The following ZSWIM6 variants were observed in gnomAD, a reference collection of about 807,000 sequenced individuals.
The protein encoded by ZSWIM6 is zinc finger SWIM domain-containing protein 6.
ZSWIM6 carries 9 observed loss-of-function variants against 113.2 expected under a neutral mutation model. The ratio of observed to expected loss-of-function variants is 0.08; its 90% CI spans 0.05 to 0.14. The LOEUF (loss-of-function observed/expected upper bound fraction) is 0.14. ZSWIM6 is among the 10% of genes least tolerant of loss of function. The pLI, the probability that ZSWIM6 is intolerant of heterozygous loss-of-function variation, is 1.00. For missense variants in ZSWIM6, 1,162 were observed against 1,552.2 expected, an observed-to-expected ratio of 0.75 and a Z score of 4.22; for synonymous variants, 611 against 606.5, an observed-to-expected ratio of 1.01 and a Z score of -0.11.
chr5:61,533,667 T>G (rs1256076774), intron 9 of ZSWIM6, among the ~76,000 whole-genome samples: 1 of 152,178 alleles, frequency 6.6e-6, no homozygotes, highest in African/African-American at 2.4e-5. Context: ...AAAGGTAATT[T>G]GGTGGTTTAA....
At position 61,516,133 on chromosome 5, in the gene ZSWIM6, A is replaced by T. The variant is rs145919109; in HGVS notation, c.1334-5130A>T. On this transcript the variant is annotated intron_variant, in intron 4 of 13. Transcript: ENST00000252744. Reference sequence around the variant, plus strand: ...CTGATTTGACCATTTCTTTTAATTTATATGTTTAGACCATTTATATTTTAT... The same window carrying T: ...CTGATTTGACCATTTCTTTTAATTTTTATGTTTAGACCATTTATATTTTAT... Among the ~76,000 whole-genome samples the T allele has an allele frequency of 3.0e-3, 450 of 151,548 alleles. 8 individuals carry two copies. The East Asian group carries it at 0.035, about 12-fold the overall frequency.
intron 4 of ZSWIM6, among the ~76,000 whole-genome samples, chr5:61,520,730 A>T (rs1038004760): frequency 5.3e-5 from 8 of 152,174 alleles, no homozygotes; most frequent in African/African-American, 1.9e-4. Flanking sequence ...GAGAACAGGA[A>T]GTTATTTGTG....
At chr5:61,425,228 A>G (rs183135032) in intron 1 of ZSWIM6, among the ~76,000 whole-genome samples, 1 of 152,210 alleles carries the variant, frequency 6.6e-6, no homozygotes, top group South Asian at 2.1e-4. Flanking sequence ...ACCACTGAAT[A>G]TTAGTTACAT....
chr5:61,388,194 A>G (rs1745629012), intron 1 of ZSWIM6, among the ~76,000 whole-genome samples: 1 of 151,774 alleles, frequency 6.6e-6, no homozygotes, highest in African/African-American at 2.4e-5. Context: ...TGTTGGCCAG[A>G]CTGGTCTCAA....
intron 1 of ZSWIM6, among the ~76,000 whole-genome samples, chr5:61,446,811 T>C (rs1046727936): frequency 6.6e-6 from 1 of 152,128 alleles, no homozygotes; most frequent in African/African-American, 2.4e-5. Context: ...AACATAAATG[T>C]ACATACACAT....
At chr5:61,479,424 C>T (rs1350378161) in intron 2 of ZSWIM6, among the ~76,000 whole-genome samples, 1 of 152,094 alleles carries the variant, frequency 6.6e-6, no homozygotes, top group Non-Finnish European at 1.5e-5. Context: ...CCTCTCTTCA[C>T]CTCCACATCT....
At position 61,544,928 on chromosome 5, in the gene ZSWIM6, A is replaced by G. The variant is rs1223803711; in HGVS notation, c.*611A>G. The G allele has an allele frequency of 6.6e-6, 1 of 152,216 alleles. No individual in the cohort carries two copies. The highest frequency in any genetic ancestry group is 1.5e-5 in the Non-Finnish European group (1 of 68,052). 9.4% of individuals were successfully genotyped at this position (152,216 alleles called of 1,614,324 possible). On this transcript the variant is annotated 3_prime_UTR_variant, in exon 14 of 14. Transcript: ENST00000252744. Reference sequence around the variant, plus strand: ...ATACATTCTCAGGGATTTATCCAAAAAAATTAAAAAAAGAATGAGAGCATT... The same window carrying G: ...ATACATTCTCAGGGATTTATCCAAAGAAATTAAAAAAAGAATGAGAGCATT...
intron 1 of ZSWIM6, among the ~76,000 whole-genome samples, chr5:61,394,763 T>C (rs1456503353): frequency 6.6e-6 from 1 of 152,166 alleles, no homozygotes; most frequent in Non-Finnish European, 1.5e-5. Flanking sequence ...TGGAAAGGCA[T>C]TCTAGGCAGC....
chr5:61,383,669 C>CCTGAGTAGCTGGGA (rs1290517186), intron 1 of ZSWIM6, among the ~76,000 whole-genome samples: 3 of 151,746 alleles, frequency 2.0e-5, no homozygotes, highest in Non-Finnish European at 4.4e-5. Context: ...CTCAAGTCCT[C>CCTGAGTAGCTGGGA]CTGAGTAGCT....
chr5:61,423,715 G>A (rs1746402260), intron 1 of ZSWIM6, among the ~76,000 whole-genome samples: 1 of 152,118 alleles, frequency 6.6e-6, no homozygotes, highest in African/African-American at 2.4e-5. Context: ...ATTCAGCACT[G>A]CACAAATTGT....
At chr5:61,392,545 C>T (rs926024670) in intron 1 of ZSWIM6, among the ~76,000 whole-genome samples, 1 of 152,178 alleles carries the variant, frequency 6.6e-6, no homozygotes, top group African/African-American at 2.4e-5. Flanking sequence ...CCAAAACATA[C>T]ACACGTGCCA....
At chr5:61,384,190 G>A (rs962705957) in intron 1 of ZSWIM6, among the ~76,000 whole-genome samples, 7 of 147,610 alleles carry the variant, frequency 4.7e-5, no homozygotes, top group African/African-American at 1.5e-4. Flanking sequence ...GCAGTGAGCC[G>A]AGATTGCGCC....
In ZSWIM6 at chr5:61,332,321, C is replaced by A; in HGVS notation, c.49C>A (p.Arg17=). 1 of 1,157,546 alleles carries A rather than the reference C, an allele frequency of 8.6e-7. No homozygotes were observed. Among genetic ancestry groups the A allele is most frequent in the Non-Finnish European group, 1.1e-6 (1 of 942,234 alleles). 71.7% of individuals were successfully genotyped at this position (1,157,546 alleles called of 1,614,324 possible). A position where few individuals can be genotyped will look rare whatever the true frequency, so the allele number is the denominator to read the frequency against. ...TCCTCCCGCGAAACGGCTTTGCTGC[C>A]GGCCGGGCGGCGGCGGCGGCGGCGG... The part of the protein sequence containing the change: ...QPPPAKRLCC[R]PGGGGGGGGS... The change falls in exon 1 of 14, where the codon CGG becomes AGG. Residue 17 remains arginine, a synonymous_variant. Transcript: ENST00000252744.
At chr5:61,488,622 G>A (rs549145170) in intron 2 of ZSWIM6, among the ~76,000 whole-genome samples, 27 of 151,982 alleles carry the variant, frequency 1.8e-4, no homozygotes, top group South Asian at 6.2e-4. Flanking sequence ...GTCTCTGATC[G>A]TCTTCTGTAT....
At chr5:61,394,366 G>T (rs1745795164) in intron 1 of ZSWIM6, among the ~76,000 whole-genome samples, 1 of 152,194 alleles carries the variant, frequency 6.6e-6, no homozygotes, top group African/African-American at 2.4e-5. Flanking sequence ...TGGGAGTGAA[G>T]ACTCAGCCAA....
At position 61,365,671 on chromosome 5, in the gene ZSWIM6, A is replaced by T. The variant is rs140469745; in HGVS notation, c.676+32723A>T. On this transcript the variant is annotated intron_variant, in intron 1 of 13. Coordinates refer to ENST00000252744, the MANE Select transcript of ZSWIM6 (RefSeq NM_020928.2). The stretch of plus-strand genomic sequence containing the variant: ...CAGTGTGATTATGTTCTCTTCTACC[A>T]CTTAGCGGTTTTCAGTACTTAGGTT... Among the ~76,000 whole-genome samples, 990 of 152,246 alleles carry T rather than the reference A, an allele frequency of 6.5e-3. 6 individuals carry two copies. The highest frequency in any genetic ancestry group is 0.037 in the South Asian group (180 of 4,826).
chr5:61,433,371 G>A (rs572620505), intron 1 of ZSWIM6, among the ~76,000 whole-genome samples: 1 of 152,240 alleles, frequency 6.6e-6, no homozygotes, highest in Admixed American at 6.5e-5. Context: ...GCATGTGTGT[G>A]TGTGTGAGAT....
chr5:61,495,789 CTTG>C (rs1748299567), intron 4 of ZSWIM6, among the ~76,000 whole-genome samples: 1 of 151,896 alleles, frequency 6.6e-6, no homozygotes, highest in Non-Finnish European at 1.5e-5. Context: ...CTAGTATAGA[CTTG>C]ATTGGTTAGA....
intron 8 of ZSWIM6, among the ~76,000 whole-genome samples, 199 bp downstream of exon 8, chr5:61,530,397 GT>G (rs920623375): frequency 5.9e-5 from 9 of 152,192 alleles, no homozygotes; most frequent in Non-Finnish European, 1.3e-4. Context: ...AGAGTTGATA[GT>G]TGGCAGCCTG....
Sources: allele counts gnomAD v4.1 joint callset (sites outside exome capture counted in the v4.1 genomes callset), GRCh38; gene constraint gnomAD v4.1.1; transcripts MANE v1.5; gene names NCBI Gene and HGNC (gene_info 2026-07-23, HGNC 2026-07-21).